Variants in UTRN observed in about 807,000 individuals in gnomAD.
The protein encoded by UTRN is utrophin.
Under a neutral mutation model 463.9 loss-of-function variants are expected in UTRN, and 283 were observed. The observed-to-expected ratio is 0.61, with a 90% CI of 0.55 to 0.67. The LOEUF is 0.67. Ranked by LOEUF, UTRN falls within the 30% of genes least tolerant of loss-of-function variation. The pLI is 0.00. For synonymous variants in UTRN, 1,442 were observed against 1,431.5 expected, an observed-to-expected ratio of 1.01 and a Z score of -0.17; for missense variants, 3,922 against 4,084.3, an observed-to-expected ratio of 0.96 and a Z score of 1.08.
At chr6:144,831,354 A>G (rs1780656336) in intron 69 of UTRN, among the ~76,000 whole-genome samples, 1 of 152,224 alleles carries the variant, frequency 6.6e-6, no homozygotes, top group Admixed American at 6.5e-5. Flanking sequence ...CCAGAGTCAG[A>G]GAAGGAGACG....
chr6:144,720,799 A>G (rs143828651), intron 53 of UTRN, among the ~76,000 whole-genome samples: 5 of 151,982 alleles, frequency 3.3e-5, no homozygotes, highest in African/African-American at 1.2e-4. Context: ...CTGTGTATTT[A>G]TTCATAATGA....
intron 51 of UTRN, among the ~76,000 whole-genome samples, chr6:144,584,737 ATACT>A (rs1358239665): frequency 1.3e-5 from 2 of 152,210 alleles, no homozygotes; most frequent in African/African-American, 4.8e-5. Context: ...CTTTTCAGAA[ATACT>A]TACAAGAGTT....
At chr6:144,802,923 T>C (rs2128747235) in intron 64 of UTRN, 113 bp from the exon 65 acceptor site, 1 of 667,288 alleles carries the variant, frequency 1.5e-6, no homozygotes, top group Admixed American at 3.9e-5. Context: ...AGACTTGAAC[T>C]CCAAAATTTT....
At chr6:144,473,310 C>T (rs1790856150) in intron 23 of UTRN, among the ~76,000 whole-genome samples, 1 of 152,146 alleles carries the variant, frequency 6.6e-6, no homozygotes, top group South Asian at 2.1e-4. Flanking sequence ...CTATTGTATT[C>T]CCTCTACCGT....
At chr6:144,766,319 T>G (rs1793339846) in intron 58 of UTRN, among the ~76,000 whole-genome samples, 1 of 151,894 alleles carries the variant, frequency 6.6e-6, no homozygotes, top group African/African-American at 2.4e-5. Flanking sequence ...CATATCAGAT[T>G]GCCAACATTT....
At chr6:144,606,033 A>G (rs964772104) in intron 51 of UTRN, among the ~76,000 whole-genome samples, 8 of 152,140 alleles carry the variant, frequency 5.3e-5, no homozygotes, top group African/African-American at 1.7e-4. Context: ...ATGTCTTAAC[A>G]TTTTAATTTG....
chr6:144,474,740 T>A lies in UTRN; in HGVS notation c.3317T>A (p.Leu1106Gln). 1 of 1,612,956 alleles carries A rather than the reference T, an allele frequency of 6.2e-7. No individual in the cohort carries two copies. The highest frequency in any genetic ancestry group is 8.5e-7 in the Non-Finnish European group (1 of 1,179,722). ...AGACTAGGTGACTACCAAACTCAAC[T>A]GGAGAAACTTAGCAAGGAGGTGAGT... Reference protein sequence around the residue: ...QTRLGDYQTQLEKLSKEIATQ... With the variant: ...QTRLGDYQTQQEKLSKEIATQ... Residue 1106 changes from leucine (L) to glutamine (Q), a missense_variant, in exon 25 of 75, where the codon CTG becomes CAG. Leu to Gln is a moderately radical substitution (Grantham distance 113). This residue lies in a region of UTRN where 2,349 missense variants were observed against 2,303.8 expected (regional missense o/e 1.02). Transcript: ENST00000367545.
At chr6:144,529,642 C>CT (rs1045734152) in intron 41 of UTRN, among the ~76,000 whole-genome samples, 2 of 151,530 alleles carry the variant, frequency 1.3e-5, no homozygotes, top group African/African-American at 4.9e-5. Flanking sequence ...CTCATAGTGC[C>CT]TTTTTTTTAA....
chr6:144,602,456 C>G (rs542204278), intron 51 of UTRN, among the ~76,000 whole-genome samples: 1 of 152,040 alleles, frequency 6.6e-6, no homozygotes, highest in Non-Finnish European at 1.5e-5. Flanking sequence ...GCATATTTCT[C>G]ATCACAAAAG....
intron 14 of UTRN, 137 bp from the exon 15 acceptor site, chr6:144,447,074 A>G: frequency 1.5e-6 from 1 of 665,762 alleles, no homozygotes; most frequent in Non-Finnish European, 2.6e-6. Flanking sequence ...CCTCAGACTT[A>G]GGTGTTTGAA....
chr6:144,485,216 G>A (rs113335039), intron 27 of UTRN, among the ~76,000 whole-genome samples, 169 bp from the exon 28 acceptor site: 6,243 of 152,050 alleles, frequency 0.041, 443 homozygotes, highest in African/African-American at 0.14. Flanking sequence ...GAGCCACCAC[G>A]CCTGGCCGAT....
intron 2 of UTRN, among the ~76,000 whole-genome samples, chr6:144,361,950 A>G (rs530253646): frequency 2.0e-5 from 3 of 151,154 alleles, no homozygotes; most frequent in African/African-American, 7.3e-5. Flanking sequence ...AATTCCTGGA[A>G]TTTTTTTTTC....
chr6:144,674,541 C>T (rs1462575795), intron 51 of UTRN, among the ~76,000 whole-genome samples: 5 of 151,766 alleles, frequency 3.3e-5, no homozygotes, highest in South Asian at 2.1e-4. Flanking sequence ...CTTTTTCATC[C>T]GTAACCTGTG....
chr6:144,310,871 TAGCTGCATGTC>T (rs1210808604), intron 2 of UTRN, among the ~76,000 whole-genome samples: 1 of 152,268 alleles, frequency 6.6e-6, no homozygotes, highest in Non-Finnish European at 1.5e-5. Context: ...CCCGATTGAT[TAGCTGCATGTC>T]AGCCTTTGAC....
intron 2 of UTRN, among the ~76,000 whole-genome samples, chr6:144,392,231 C>T (rs544708064): frequency 4.6e-5 from 7 of 152,110 alleles, no homozygotes; most frequent in East Asian, 3.9e-4. Context: ...TTTTTTAATG[C>T]GGCTTTTAAA....
At chr6:144,536,501 T>C (rs1000663712) in intron 43 of UTRN, among the ~76,000 whole-genome samples, 5 of 152,122 alleles carry the variant, frequency 3.3e-5, no homozygotes, top group African/African-American at 1.2e-4. Context: ...TTAAAAATTA[T>C]GATTTTGTAG....
At chr6:144,490,018 A>G in intron 30 of UTRN, 53 bp from the exon 31 acceptor site, 3 of 1,576,656 alleles carry the variant, frequency 1.9e-6, no homozygotes, top group South Asian at 1.2e-5. Flanking sequence ...GTCTCTTTTT[A>G]TACTTAAGTA....
intron 50 of UTRN, among the ~76,000 whole-genome samples, chr6:144,562,362 C>T (rs1800009160): frequency 6.6e-6 from 1 of 152,076 alleles, no homozygotes; most frequent in Admixed American, 6.6e-5. Flanking sequence ...CCTTCTCCTG[C>T]CCCCTTCCTA....
At chr6:144,821,775 T>C (rs1443223145) in intron 66 of UTRN, among the ~76,000 whole-genome samples, 1 of 152,076 alleles carries the variant, frequency 6.6e-6, no homozygotes, top group African/African-American at 2.4e-5. Context: ...AAGATCCAAA[T>C]AGATAGATTT....
Sources: gnomAD v4.1 joint callset for allele counts (sites outside exome capture counted in the v4.1 genomes callset) on GRCh38, gnomAD v4.1.1 for gene constraint, gnomAD v4.1.1 regional missense constraint, MANE v1.5 for transcripts, NCBI Gene and HGNC (gene_info 2026-07-23, HGNC 2026-07-21) for gene names.